Variants in ZNF718 observed in about 807,000 individuals in gnomAD.
ZNF718 encodes zinc finger protein 718.
A neutral mutation model predicts 2.6 loss-of-function variants in ZNF718; 3 were observed. The observed-to-expected ratio is 1.16, with a 90% CI of 0.53 to 3.01. The LOEUF (loss-of-function observed/expected upper bound fraction) is 3.01. Among genes scored for constraint, ZNF718 ranks in the 30% most tolerant of loss-of-function variants. The probability of loss-of-function intolerance (pLI) is 0.03; values close to 1 mark genes in which losing one functional copy is unlikely to be tolerated. For synonymous variants in ZNF718, 135 were observed against 77.9 expected, an observed-to-expected ratio of 1.73 and a Z score of -3.86; for missense variants, 468 against 230.0, an observed-to-expected ratio of 2.03 and a Z score of -6.69.
At position 126,890 on chromosome 4, in the gene ZNF718, G is replaced by A. The variant is rs1325697124; in HGVS notation, c.3+2217G>A. On this transcript the variant is annotated intron_variant, in intron 1 of 3. Coordinates refer to ENST00000510175, the MANE Select transcript of ZNF718 (RefSeq NM_001039127.6). ...TCGCCAGGCTGGAGTGCAGTAGTGC[G>A]ATCTCGGCTCACCGCATTCTCCACC... Among the ~76,000 whole-genome samples, 56 of 151,130 alleles carry A rather than the reference G, an allele frequency of 3.7e-4. 1 individual carries two copies. The highest frequency in any genetic ancestry group is 2.6e-4 in the Admixed American group (4 of 15,176).
At chr4:181,235 G>A (rs1455719141) in intron 3 of ZNF718, among the ~76,000 whole-genome samples, 1 of 143,336 alleles carries the variant, frequency 7.0e-6, no homozygotes, top group African/African-American at 2.6e-5. Context: ...CAAACTCCTG[G>A]GATTGTGTAA....
chr4:159,187 C>T (rs1282001026), intron 3 of ZNF718, among the ~76,000 whole-genome samples: 1 of 151,820 alleles, frequency 6.6e-6, no homozygotes, highest in Non-Finnish European at 1.5e-5. Flanking sequence ...CAGGCATGTG[C>T]ACCACACCTG....
In ZNF718 at chr4:124,500, CG is replaced by C. The variant is rs564594602; in HGVS notation, c.-169del. 226 of 855,938 alleles carry C rather than the reference CG, an allele frequency of 2.6e-4. No homozygotes were observed. The highest frequency in any genetic ancestry group is 2.5e-3 in the Middle Eastern group (11 of 4,428). The allele number at this position is 855,938 out of a possible 1,614,324, so 53.0% of individuals were successfully genotyped here. A position where few individuals can be genotyped will look rare whatever the true frequency, so the allele number is the denominator to read the frequency against. On this transcript the variant is annotated 5_prime_UTR_variant, in exon 1 of 4. Coordinates refer to ENST00000510175, the MANE Select transcript of ZNF718 (RefSeq NM_001039127.6). ...AGGGTGCGGCATCCGGGATCTGGCG[CG>C]GCTTTTGCTTGTAGCTCCAGCCAGA...
At chr4:165,848 CTTTT>C (rs1244555100), downstream of ZNF718, among the ~76,000 whole-genome samples, 1 of 114,076 alleles carries the variant, frequency 8.8e-6, no homozygotes, top group Non-Finnish European at 1.7e-5. Flanking sequence ...ATTTTACGTT[CTTTT>C]TTTTTATTAT....
chr4:145,463 A>G (rs1051521036), intron 3 of ZNF718, among the ~76,000 whole-genome samples: 3 of 152,194 alleles, frequency 2.0e-5, no homozygotes, highest in African/African-American at 4.8e-5. Context: ...TGAGATAACA[A>G]TGTAACTTCT....
chr4:134,954 A>G (rs971258697), intron 3 of ZNF718, among the ~76,000 whole-genome samples: 25 of 151,998 alleles, frequency 1.6e-4, no homozygotes, highest in African/African-American at 6.0e-4. Flanking sequence ...TAGAAAGTTT[A>G]TTTTGCTGGC....
rs948043937 is a variant in ZNF718 at position 139,079 on chromosome 4, C to G, written c.226+7574C>G. ...TTTTCTCCCATTTTATGTGTTGTCT[C>G]TTCACTTTGTTGATTGTTTCACTTC... On this transcript the variant is annotated intron_variant, in intron 3 of 3. Coordinates refer to ENST00000510175, the MANE Select transcript of ZNF718 (RefSeq NM_001039127.6). Among the ~76,000 whole-genome samples the G allele has an allele frequency of 3.3e-5, 5 of 152,194 alleles. No individual in the cohort carries two copies. The South Asian group carries it at 1.0e-3, about 32-fold the overall frequency.
chr4:147,539 G>A (rs906913217), intron 3 of ZNF718, among the ~76,000 whole-genome samples: 12 of 152,040 alleles, frequency 7.9e-5, no homozygotes, highest in Admixed American at 4.6e-4. Flanking sequence ...TTGTGGTTTC[G>A]TCTGTTTTCT....
chr4:183,357 A>C (rs376855935), intron 3 of ZNF718, among the ~76,000 whole-genome samples: 1 of 152,110 alleles, frequency 6.6e-6, no homozygotes, highest in African/African-American at 2.4e-5. Context: ...CCATTGGTCT[A>C]TCTGTCCGTT....
intron 3 of ZNF718, chr4:149,646 T>C (rs782800928): frequency 2.0e-5 from 3 of 152,198 alleles, no homozygotes; most frequent in Non-Finnish European, 4.4e-5. Flanking sequence ...TTATTGCCTA[T>C]AAAAGTTAGG....
intron 3 of ZNF718, among the ~76,000 whole-genome samples, chr4:143,282 C>A (rs1715894911): frequency 6.6e-6 from 1 of 152,172 alleles, no homozygotes; most frequent in Admixed American, 6.5e-5. Flanking sequence ...ACCTCTGCCT[C>A]CCAGGTTCAA....
intron 3 of ZNF718, among the ~76,000 whole-genome samples, chr4:146,622 A>AT (rs1716076970): frequency 6.6e-6 from 1 of 152,140 alleles, no homozygotes; most frequent in African/African-American, 2.4e-5. Context: ...TCTTTAAACA[A>AT]TAAAAAAAAG....
chr4:124,538 G>A lies in ZNF718; in HGVS notation c.-133G>A. 3 of 1,285,724 alleles carry A rather than the reference G, an allele frequency of 2.3e-6. No homozygotes were observed. Among genetic ancestry groups the A allele is most frequent in the Non-Finnish European group, 3.3e-6 (3 of 900,662 alleles). The allele number at this position is 1,285,724 out of a possible 1,614,324, so 79.6% of individuals were successfully genotyped here. Reference sequence around the variant, plus strand: ...TAGCTCCAGCCAGAGCTCGGTTAGGGCCTCATCGCTCTGCTCCCGCTCCTT... The same window carrying A: ...TAGCTCCAGCCAGAGCTCGGTTAGGACCTCATCGCTCTGCTCCCGCTCCTT... On this transcript the variant is annotated 5_prime_UTR_variant, in exon 1 of 4. Coordinates refer to ENST00000510175, the MANE Select transcript of ZNF718 (RefSeq NM_001039127.6).
chr4:136,609 C>G (rs544567976), intron 3 of ZNF718, among the ~76,000 whole-genome samples: 11 of 152,364 alleles, frequency 7.2e-5, no homozygotes, highest in South Asian at 2.1e-4. Flanking sequence ...TGAGGTTTCA[C>G]AACCCTAGCC....
chr4:182,294 C>CA (rs1717482426), intron 3 of ZNF718, among the ~76,000 whole-genome samples: 1 of 152,020 alleles, frequency 6.6e-6, no homozygotes, highest in Non-Finnish European at 1.5e-5. Flanking sequence ...GGTGTAAGAG[C>CA]ATTCCTTTTT....
At chr4:196,272 G>A (rs1553821990) in intron 3 of ZNF718, among the ~76,000 whole-genome samples, 1 of 152,140 alleles carries the variant, frequency 6.6e-6, no homozygotes, top group African/African-American at 2.4e-5. Flanking sequence ...TTACAAACTT[G>A]GGGCCCTGGC....
chr4:152,816 C>G (rs1409219467), intron 3 of ZNF718, among the ~76,000 whole-genome samples: 38 of 151,894 alleles, frequency 2.5e-4, no homozygotes, highest in African/African-American at 9.2e-4. Context: ...GTTATATATT[C>G]TGTAAGTTTA....
intron 3 of ZNF718, among the ~76,000 whole-genome samples, chr4:159,612 CATT>C (rs1413433796): frequency 2.6e-5 from 4 of 151,988 alleles, no homozygotes; most frequent in East Asian, 1.9e-4. Context: ...ATGTCTCAGT[CATT>C]ATTGTTGTAT....
chr4:187,330 G>A (rs112987247), intron 3 of ZNF718, among the ~76,000 whole-genome samples: 6,453 of 152,108 alleles, frequency 0.042, 353 homozygotes, highest in African/African-American at 0.13. Context: ...GGGTTCAAAC[G>A]ATTCTTCTGC....
Sources: gnomAD v4.1 joint callset for allele counts (sites outside exome capture counted in the v4.1 genomes callset) on GRCh38, gnomAD v4.1.1 for gene constraint, MANE v1.5 for transcripts, NCBI Gene and HGNC (gene_info 2026-07-23, HGNC 2026-07-21) for gene names.